AATF: variants seen among roughly 807,000 people sequenced by gnomAD.
The protein encoded by AATF is apoptosis antagonizing transcription factor.
AATF carries 48 observed loss-of-function variants against 63.7 expected under a neutral mutation model. The ratio of observed to expected loss-of-function variants is 0.75; its 90% CI spans 0.60 to 0.96. The LOEUF (loss-of-function observed/expected upper bound fraction) is 0.96, where lower values mean the gene tolerates loss of function less well. Ranked by LOEUF, AATF falls within the 40% of genes least tolerant of loss-of-function variation. The pLI, the probability that AATF is intolerant of heterozygous loss-of-function variation, is 0.00. For synonymous variants in AATF, 258 were observed against 247.7 expected (o/e 1.04, Z -0.39); for missense variants, 639 against 685.7 (o/e 0.93, Z 0.76).
intron 4 of AATF, among the ~76,000 whole-genome samples, chr17:36,960,357 C>G (rs1296911563): frequency 6.6e-6 from 1 of 152,132 alleles, no homozygotes; most frequent in Non-Finnish European, 1.5e-5. Context: ...ATAATAGATA[C>G]CTTAAATAAT....
chr17:37,046,873 C>T (rs1002315027), intron 11 of AATF, among the ~76,000 whole-genome samples: 7 of 152,066 alleles, frequency 4.6e-5, no homozygotes, highest in African/African-American at 9.7e-5. Flanking sequence ...AAGTGATTCA[C>T]GTCTAAGCAG....
intron 3 of AATF, 141 bp downstream of exon 3, chr17:36,953,437 A>G: frequency 7.1e-7 from 1 of 1,415,958 alleles, no homozygotes; most frequent in Non-Finnish European, 9.4e-7. Flanking sequence ...CCAGAAGCCT[A>G]AAGCCCTATT....
At chr17:37,029,028 G>A (rs1160606314) in intron 10 of AATF, among the ~76,000 whole-genome samples, 1 of 151,948 alleles carries the variant, frequency 6.6e-6, no homozygotes, top group Non-Finnish European at 1.5e-5. Flanking sequence ...ATTGTGTGTG[G>A]GATTTTTTGT....
intron 6 of AATF, 86 bp from the exon 7 acceptor site, chr17:36,989,161 C>T: frequency 7.2e-7 from 1 of 1,395,916 alleles, no homozygotes; most frequent in Non-Finnish European, 9.7e-7. Flanking sequence ...TATCTCTCTG[C>T]TGACACAGAA....
chr17:37,002,903 G>GTTTTTT (rs35926577), intron 8 of AATF, among the ~76,000 whole-genome samples: 14 of 99,196 alleles, frequency 1.4e-4, no homozygotes, highest in South Asian at 6.9e-4. Context: ...TCCTGTTGCT[G>GTTTTTT]TTTTTTTTTT....
At chr17:36,953,950 G>C in intron 4 of AATF, 43 bp downstream of exon 4, 1 of 1,589,546 alleles carries the variant, frequency 6.3e-7, no homozygotes, top group Non-Finnish European at 8.6e-7. Flanking sequence ...GAACCACTTT[G>C]TCAAATGAAG....
intron 6 of AATF, 60 bp from the exon 7 acceptor site, chr17:36,989,187 T>C: frequency 1.3e-6 from 2 of 1,526,560 alleles, no homozygotes; most frequent in Admixed American, 1.9e-5. Context: ...GAGAAACCAA[T>C]GTAGCTTGCC....
At chr17:37,003,276 G>T (rs1317894269) in intron 8 of AATF, among the ~76,000 whole-genome samples, 2 of 151,932 alleles carry the variant, frequency 1.3e-5, no homozygotes, top group African/African-American at 4.8e-5. Flanking sequence ...AATGAAGATG[G>T]AGCCTTCCCT....
chr17:36,977,664 A>G (rs2071089181), intron 4 of AATF, among the ~76,000 whole-genome samples: 1 of 152,236 alleles, frequency 6.6e-6, no homozygotes, highest in African/African-American at 2.4e-5. Flanking sequence ...GTTCAAAAGT[A>G]TATCAAATAA....
intron 10 of AATF, among the ~76,000 whole-genome samples, chr17:37,025,599 C>T (rs1039441574): frequency 2.0e-5 from 3 of 152,176 alleles, no homozygotes; most frequent in South Asian, 2.1e-4. Flanking sequence ...AGGGCAGCAT[C>T]GTTTCATTTG....
intron 4 of AATF, among the ~76,000 whole-genome samples, chr17:36,984,523 G>A (rs2071151650): frequency 6.6e-6 from 1 of 152,200 alleles, no homozygotes; most frequent in Non-Finnish European, 1.5e-5. Flanking sequence ...TAGGAGAGGT[G>A]TCTGAGTACT....
chr17:36,984,377 G>C (rs2071150696), intron 4 of AATF, among the ~76,000 whole-genome samples: 1 of 152,188 alleles, frequency 6.6e-6, no homozygotes, highest in Admixed American at 6.5e-5. Flanking sequence ...ATTGAACAAT[G>C]CAGAGAGGTT....
intron 1 of AATF, among the ~76,000 whole-genome samples, chr17:36,949,850 G>C (rs1436874864): frequency 6.6e-6 from 1 of 152,208 alleles, no homozygotes; most frequent in African/African-American, 2.4e-5. Flanking sequence ...GAAGAAACTC[G>C]GGACTGTTTA....
intron 11 of AATF, among the ~76,000 whole-genome samples, chr17:37,049,909 G>A (rs2071732513): frequency 6.6e-6 from 1 of 152,156 alleles, no homozygotes; most frequent in South Asian, 2.1e-4. Context: ...GAGTGCAGGA[G>A]AGATGGAGTC....
At chr17:37,008,647 T>A (rs914731925) in intron 8 of AATF, among the ~76,000 whole-genome samples, 1 of 152,118 alleles carries the variant, frequency 6.6e-6, no homozygotes, top group Non-Finnish European at 1.5e-5. Context: ...GAAGATCACT[T>A]GAGGTCAAGA....
chr17:37,027,604 AAAG>A (rs2071520341), intron 10 of AATF, among the ~76,000 whole-genome samples: 1 of 152,188 alleles, frequency 6.6e-6, no homozygotes, highest in South Asian at 2.1e-4. Context: ...GAAAAAGTAA[AAAG>A]AAAAAGATGA....
intron 4 of AATF, among the ~76,000 whole-genome samples, chr17:36,974,037 C>G (rs2071060747): frequency 6.6e-6 from 1 of 150,946 alleles, no homozygotes; most frequent in Admixed American, 6.6e-5. Context: ...CCACTGCACT[C>G]CAGCCTGGGC....
chr17:37,023,475 G>A (rs1327202337), intron 10 of AATF, among the ~76,000 whole-genome samples: 1 of 151,882 alleles, frequency 6.6e-6, no homozygotes, highest in Non-Finnish European at 1.5e-5. Context: ...CTCATATCCA[G>A]AGGCAGTAAA....
intron 8 of AATF, 111 bp downstream of exon 8, chr17:36,990,968 T>A: frequency 1.4e-6 from 1 of 712,480 alleles, no homozygotes; most frequent in Non-Finnish European, 2.2e-6. Context: ...AGTCAGACAG[T>A]GAGTTAGAAC....
Sources: gnomAD v4.1 joint callset for allele counts (sites outside exome capture counted in the v4.1 genomes callset) on GRCh38, gnomAD v4.1.1 for gene constraint, MANE v1.5 for transcripts, NCBI Gene and HGNC (gene_info 2026-07-23, HGNC 2026-07-21) for gene names.